The following MTUS1 variants were observed in gnomAD, a reference collection of about 807,000 sequenced individuals.
The protein encoded by MTUS1 is microtubule associated scaffold protein 1, also known as microtubule-associated tumor suppressor 1.
In MTUS1, 109 loss-of-function variants were observed where a neutral mutation model predicts 120.8. That is an observed-to-expected ratio of 0.90 (90% confidence interval 0.77 to 1.06). MTUS1 has a LOEUF of 1.06. MTUS1 is among the 50% of genes least tolerant of loss of function. The pLI is 0.00. For missense variants in MTUS1, 2,210 were observed against 1,486.3 expected (o/e 1.49, Z -8.01); for synonymous variants, 737 against 550.5 (o/e 1.34, Z -4.74).
intron 6 of MTUS1, chr8:17,692,031 C>G (rs545509546): frequency 5.9e-5 from 9 of 152,292 alleles, no homozygotes; most frequent in African/African-American, 1.9e-4. Flanking sequence ...ATCAATGCCC[C>G]TCCAAAACGC....
chr8:17,664,607 A>C (rs563917081), intron 8 of MTUS1, among the ~76,000 whole-genome samples: 2 of 151,542 alleles, frequency 1.3e-5, no homozygotes, highest in South Asian at 4.2e-4. Context: ...TTCTTTCTTC[A>C]ACAGTACATA....
At position 17,694,801 on chromosome 8, in the gene MTUS1, T is replaced by C. The variant is rs1428894424; in HGVS notation, c.2624-10259A>G. Among the ~76,000 whole-genome samples, 5 of 152,188 alleles carry C rather than the reference T, an allele frequency of 3.3e-5. No homozygotes were observed. The South Asian group carries it at 1.0e-3, about 32-fold the overall frequency. On this transcript the variant is annotated intron_variant, in intron 6 of 14. Transcript: ENST00000693296. ...GGTAAAAAAATAAGGAGACAAATCA[T>C]TTAGATAAGATGAATTTCCAAGCAG... is the stretch of plus-strand genomic sequence containing the variant.
intron 7 of MTUS1, among the ~76,000 whole-genome samples, chr8:17,683,279 A>T (rs1460027397): frequency 1.3e-5 from 2 of 152,144 alleles, no homozygotes; most frequent in South Asian, 2.1e-4. Flanking sequence ...CTCAAAAAAA[A>T]AGAGAATTCA....
intron 3 of MTUS1, among the ~76,000 whole-genome samples, chr8:17,727,254 C>G (rs772408834): frequency 6.6e-6 from 1 of 152,220 alleles, no homozygotes; most frequent in East Asian, 1.9e-4. Context: ...GTGACTATTA[C>G]TATCCCAGTT....
chr8:17,698,344 T>C (rs1327495046), intron 6 of MTUS1, among the ~76,000 whole-genome samples: 1 of 151,794 alleles, frequency 6.6e-6, no homozygotes, highest in Non-Finnish European at 1.5e-5. Context: ...AATTTTTATT[T>C]CAGTAGAGTG....
intron 5 of MTUS1, among the ~76,000 whole-genome samples, chr8:17,715,395 A>C (rs1307023714): frequency 6.6e-6 from 1 of 152,228 alleles, no homozygotes; most frequent in African/African-American, 2.4e-5. Flanking sequence ...TCTTAGACCA[A>C]AGACATGAAG....
chr8:17,729,984 CAAAAA>C (rs36018422), intron 3 of MTUS1, among the ~76,000 whole-genome samples: 9 of 85,870 alleles, frequency 1.0e-4, no homozygotes, highest in Admixed American at 1.3e-4. Flanking sequence ...ATGCTATCAT[CAAAAA>C]AAAAAAAAAA....
chr8:17,645,884 C>T lies in MTUS1; in HGVS notation c.*42G>A, dbSNP rs753353634. The T allele has an allele frequency of 6.3e-7, 1 of 1,584,320 alleles. No homozygotes were observed. The highest frequency in any genetic ancestry group is 1.2e-5 in the South Asian group (1 of 86,550). On this transcript the variant is annotated 3_prime_UTR_variant, in exon 15 of 15. Transcript: ENST00000693296. ...CCTTGGGGTCAGTCCTGCAGACCTG[C>T]ATCAAAATGCTTTCAGAGAGTCTGT...
intron 6 of MTUS1, among the ~76,000 whole-genome samples, chr8:17,698,260 C>A (rs1284766139): frequency 6.6e-6 from 1 of 152,112 alleles, no homozygotes. Context: ...ATCATGTGGT[C>A]TCTTATAGTG....
At chr8:17,662,637 A>G (rs1262853696) in intron 8 of MTUS1, among the ~76,000 whole-genome samples, 1 of 152,048 alleles carries the variant, frequency 6.6e-6, no homozygotes, top group African/African-American at 2.4e-5. Context: ...TACAGGTGTG[A>G]GCCACTGTGC....
chr8:17,737,108 G>T (rs973686836), intron 3 of MTUS1, among the ~76,000 whole-genome samples: 2 of 152,168 alleles, frequency 1.3e-5, no homozygotes, highest in African/African-American at 2.4e-5. Context: ...AAAGAAGACA[G>T]GAGTGTGTCA....
At chr8:17,750,145 A>G (rs2048080165) in intron 2 of MTUS1, among the ~76,000 whole-genome samples, 1 of 152,214 alleles carries the variant, frequency 6.6e-6, no homozygotes, top group Admixed American at 6.5e-5. Context: ...CATAAAGCCC[A>G]ATGCCGATGG....
intron 8 of MTUS1, among the ~76,000 whole-genome samples, chr8:17,659,934 G>A (rs767006208): frequency 1.8e-4 from 27 of 151,992 alleles, no homozygotes; most frequent in Non-Finnish European, 3.5e-4. Flanking sequence ...CTTTCTCTAT[G>A]AATCTGACCA....
chr8:17,697,548 G>T, intron 6 of MTUS1: 1 of 1,384,290 alleles, frequency 7.2e-7, no homozygotes, highest in Non-Finnish European at 9.4e-7. Context: ...AAATCCCCCA[G>T]GGCTGGCCAA....
chr8:17,793,352 C>G (rs1166098929), intron 1 of MTUS1, among the ~76,000 whole-genome samples: 1 of 152,148 alleles, frequency 6.6e-6, no homozygotes, highest in African/African-American at 2.4e-5. Flanking sequence ...TACCTTCCCT[C>G]TGCTTGCTGA....
chr8:17,767,703 A>AAAAAACAAACAAACAAACAAACAAAC (rs2049650449), intron 1 of MTUS1, among the ~76,000 whole-genome samples: 2 of 100,356 alleles, frequency 2.0e-5, no homozygotes, highest in Non-Finnish European at 4.4e-5. Context: ...TGTCTCTTAA[A>AAAAAACAAACAAACAAACAAACAAAC]AAAAAAAAAA....
At chr8:17,724,568 T>C (rs1479959194) in intron 3 of MTUS1, among the ~76,000 whole-genome samples, 1 of 152,206 alleles carries the variant, frequency 6.6e-6, no homozygotes, top group African/African-American at 2.4e-5. Context: ...TCACTCCAAC[T>C]TGCAACTCTT....
chr8:17,667,297 T>C (rs139455706), intron 8 of MTUS1, among the ~76,000 whole-genome samples: 63 of 152,306 alleles, frequency 4.1e-4, no homozygotes, highest in African/African-American at 1.4e-3. Flanking sequence ...ACAGTTGGTT[T>C]TCAGTATATT....
Position 17,754,278 on chromosome 8 carries a change from G to A in MTUS1, c.1530C>T (p.Val510=). ...CTGCTCTAGACATAACTTTTGCTTT[G>A]ACATTCTTGAAGTTTGGTCTTGGGT... ...ISYPRPNFKN[V]KAKVMSRAVL... The change falls in exon 2 of 15, where the codon GTC becomes GTT. Residue 510 remains valine (V), a synonymous_variant. Coordinates refer to ENST00000693296, the MANE Select transcript of MTUS1 (RefSeq NM_001363059.2). The A allele has an allele frequency of 6.2e-7, 1 of 1,614,006 alleles. No individual in the cohort carries two copies. The highest frequency in any genetic ancestry group is 8.5e-7 in the Non-Finnish European group (1 of 1,180,008).
Sources: allele counts gnomAD v4.1 joint callset (sites outside exome capture counted in the v4.1 genomes callset), GRCh38; gene constraint gnomAD v4.1.1; transcripts MANE v1.5; gene names NCBI Gene and HGNC (gene_info 2026-07-23, HGNC 2026-07-21).